PTPRK: variants seen among roughly 807,000 people sequenced by gnomAD.
PTPRK encodes receptor-type tyrosine-protein phosphatase kappa.
A neutral mutation model predicts 178.0 loss-of-function variants in PTPRK; 75 were observed. The ratio of observed to expected loss-of-function variants is 0.42; its 90% confidence interval spans 0.35 to 0.51. PTPRK has a LOEUF of 0.51. Among genes scored for constraint, PTPRK ranks in the 20% least tolerant of loss-of-function variants. The probability of loss-of-function intolerance (pLI) is 0.02; values close to 1 mark genes in which losing one functional copy is unlikely to be tolerated. For synonymous variants in PTPRK, 637 were observed against 620.6 expected (o/e 1.03, Z -0.39); for missense variants, 1,441 against 1,797.8 (o/e 0.80, Z 3.59).
At chr6:128,280,632 A>C (rs1030771997) in intron 3 of PTPRK, among the ~76,000 whole-genome samples, 2 of 152,174 alleles carry the variant, frequency 1.3e-5, no homozygotes, top group African/African-American at 4.8e-5. Flanking sequence ...TAAGAGAAAA[A>C]GTATGGAATC....
intron 1 of PTPRK, among the ~76,000 whole-genome samples, chr6:128,470,259 C>T (rs1850436644): frequency 6.8e-6 from 1 of 147,812 alleles, no homozygotes; most frequent in African/African-American, 2.5e-5. Context: ...TCTCAGTTTT[C>T]ATATATATAT....
intron 13 of PTPRK, among the ~76,000 whole-genome samples, chr6:128,044,575 C>G (rs554609490): frequency 6.6e-6 from 1 of 152,094 alleles, no homozygotes; most frequent in East Asian, 1.9e-4. Context: ...AAAGTTTGTT[C>G]CAACATCAAG....
intron 2 of PTPRK, among the ~76,000 whole-genome samples, chr6:128,348,881 A>G (rs1243707369): frequency 6.6e-6 from 1 of 152,076 alleles, no homozygotes; most frequent in East Asian, 1.9e-4. Flanking sequence ...ATGAATAAAA[A>G]TATGTAGGCA....
intron 1 of PTPRK, among the ~76,000 whole-genome samples, chr6:128,416,856 G>C (rs1842914405): frequency 6.6e-6 from 1 of 151,398 alleles, no homozygotes; most frequent in South Asian, 2.1e-4. Flanking sequence ...GCAATAGTCT[G>C]GGTAAGAGTC....
At chr6:128,054,209 C>T (rs1779524976) in intron 13 of PTPRK, among the ~76,000 whole-genome samples, 2 of 152,266 alleles carry the variant, frequency 1.3e-5, no homozygotes, top group African/African-American at 2.4e-5. Context: ...AGTCCTATAG[C>T]TTTTGTTCTA....
At chr6:128,371,488 A>G (rs1392016335) in intron 2 of PTPRK, among the ~76,000 whole-genome samples, 1 of 152,202 alleles carries the variant, frequency 6.6e-6, no homozygotes, top group Non-Finnish European at 1.5e-5. Flanking sequence ...GTTACTATTA[A>G]AACCTGGAAC....
chr6:128,440,202 T>C (rs1846105768), intron 1 of PTPRK, among the ~76,000 whole-genome samples: 1 of 152,156 alleles, frequency 6.6e-6, no homozygotes, highest in Non-Finnish European at 1.5e-5. Context: ...CAGAGACAAC[T>C]GTGGTATAAA....
At position 128,313,901 on chromosome 6, in the gene PTPRK, C is replaced by T. The variant is rs967022075; in HGVS notation, c.495+8138G>A. On this transcript the variant is annotated intron_variant, in intron 3 of 29. Transcript: ENST00000368226. Reference sequence around the variant, plus strand: ...GAGACTAAGAATGAGTAAATAGGGTCCCTTGATAAAAATTATCTGAAAGCA... The same window carrying T: ...GAGACTAAGAATGAGTAAATAGGGTTCCTTGATAAAAATTATCTGAAAGCA... Among the ~76,000 whole-genome samples the T allele has an allele frequency of 2.6e-5, 4 of 152,194 alleles. No individual in the cohort carries two copies. In the East Asian group the frequency reaches 7.7e-4, roughly 29 times the overall value.
At chr6:127,997,075 AC>A in intron 16 of PTPRK, 87 bp from the exon 17 acceptor site, 1 of 1,370,262 alleles carries the variant, frequency 7.3e-7, no homozygotes, top group East Asian at 2.5e-5. Context: ...AATAGTAAAA[AC>A]CACTTTCTCA....
chr6:128,510,490 T>C (rs1017017473), intron 1 of PTPRK, among the ~76,000 whole-genome samples: 1 of 152,210 alleles, frequency 6.6e-6, no homozygotes, highest in Non-Finnish European at 1.5e-5. Flanking sequence ...AAATTAAAAA[T>C]AAAATCACCA....
intron 7 of PTPRK, among the ~76,000 whole-genome samples, chr6:128,140,662 T>C (rs922851091): frequency 6.6e-6 from 1 of 152,014 alleles, no homozygotes; most frequent in Non-Finnish European, 1.5e-5. Context: ...GTCATCAGGA[T>C]GTCCATTTTA....
At chr6:128,033,177 C>T (rs76838320) in intron 13 of PTPRK, among the ~76,000 whole-genome samples, 1,624 of 152,182 alleles carry the variant, frequency 0.011, 22 homozygotes, top group Non-Finnish European at 0.018. Context: ...TTGGAAAAAG[C>T]GCTACTGATT....
intron 1 of PTPRK, among the ~76,000 whole-genome samples, chr6:128,517,100 G>A (rs929509617): frequency 7.3e-5 from 11 of 151,230 alleles, no homozygotes; most frequent in Non-Finnish European, 1.3e-4. Context: ...ACACACGTGC[G>A]CACACACACA....
At chr6:127,986,026 T>C (rs1775938574) in intron 21 of PTPRK, 151 bp from the exon 22 acceptor site, 1 of 657,674 alleles carries the variant, frequency 1.5e-6, no homozygotes, top group East Asian at 3.0e-5. Context: ...AAAAATATAA[T>C]AAAATGAAGG....
chr6:128,363,630 A>G (rs2128343586), intron 2 of PTPRK, among the ~76,000 whole-genome samples: 1 of 152,256 alleles, frequency 6.6e-6, no homozygotes, highest in Non-Finnish European at 1.5e-5. Context: ...CTGCAGTCTC[A>G]CTGGAAACAG....
chr6:128,038,942 C>T (rs1174228825), intron 13 of PTPRK, among the ~76,000 whole-genome samples: 6 of 151,880 alleles, frequency 4.0e-5, no homozygotes, highest in South Asian at 2.1e-4. Context: ...ATCACATAAG[C>T]GAAACTTTTA....
chr6:128,418,351 A>G (rs1355768048), intron 1 of PTPRK, among the ~76,000 whole-genome samples: 2 of 152,194 alleles, frequency 1.3e-5, no homozygotes, highest in Non-Finnish European at 2.9e-5. Context: ...GGACTGGTAC[A>G]TGTCTGTGGC....
chr6:128,382,694 C>A lies in PTPRK; in HGVS notation c.223+14872G>T, dbSNP rs111453804. ...GCCTCAAGTGATCCTCCAGCCTCAG[C>A]CTCCCAAAGTGCTGGAATTACAGGT... On this transcript the variant is annotated intron_variant, in intron 2 of 29. Transcript: ENST00000368226. Among the ~76,000 whole-genome samples the A allele has an allele frequency of 9.2e-3, 1,395 of 152,192 alleles. 14 individuals are homozygous for A. Among genetic ancestry groups the A allele is most frequent in the African/African-American group, 0.032 (1,319 of 41,532 alleles).
At chr6:128,028,469 C>T (rs1000342292) in intron 13 of PTPRK, among the ~76,000 whole-genome samples, 3 of 152,176 alleles carry the variant, frequency 2.0e-5, no homozygotes, top group African/African-American at 7.2e-5. Context: ...TACATTTTAG[C>T]CTAATTTCTT....
Sources: allele counts gnomAD v4.1 joint callset (sites outside exome capture counted in the v4.1 genomes callset), GRCh38; gene constraint gnomAD v4.1.1; transcripts MANE v1.5; gene names NCBI Gene and HGNC (gene_info 2026-07-23, HGNC 2026-07-21).